The following STARD3NL variants were observed in gnomAD, a reference collection of about 807,000 sequenced individuals.
STARD3NL encodes the protein STARD3 N-terminal like, also known as STARD3 N-terminal-like protein.
Under a neutral mutation model 30.9 loss-of-function variants are expected in STARD3NL, and 17 were observed. That is an observed-to-expected ratio of 0.55 (90% confidence interval 0.38 to 0.82). STARD3NL has a LOEUF of 0.82. Ranked by LOEUF, STARD3NL falls within the 40% of genes least tolerant of loss-of-function variation. STARD3NL has a pLI of 0.00. For missense variants in STARD3NL, 234 were observed against 277.6 expected (o/e 0.84, Z 1.12); for synonymous variants, 112 against 100.5 (o/e 1.11, Z -0.69).
chr7:38,184,140 A>G (rs1234813425), intron 1 of STARD3NL, among the ~76,000 whole-genome samples: 1 of 152,200 alleles, frequency 6.6e-6, no homozygotes. Context: ...TATGGGATAT[A>G]TATTATACAT....
chr7:38,188,702 T>C (rs1022038865), intron 1 of STARD3NL, among the ~76,000 whole-genome samples: 14 of 152,228 alleles, frequency 9.2e-5, no homozygotes, highest in African/African-American at 3.4e-4. Flanking sequence ...TCAATGTATA[T>C]TTTAGGTTTG....
chr7:38,186,755 TA>T (rs1784475762), intron 1 of STARD3NL, among the ~76,000 whole-genome samples: 1 of 152,154 alleles, frequency 6.6e-6, no homozygotes, highest in African/African-American at 2.4e-5. Context: ...CTCTACCATC[TA>T]GGTTGTGTCA....
At chr7:38,189,308 A>G (rs1291196782) in intron 1 of STARD3NL, among the ~76,000 whole-genome samples, 1 of 152,224 alleles carries the variant, frequency 6.6e-6, no homozygotes, top group African/African-American at 2.4e-5. Context: ...AGATGTTACC[A>G]TGGAGTTGGG....
chr7:38,219,539 C>A (rs2116378846), intron 6 of STARD3NL, 26 bp from the exon 7 acceptor site: 1 of 1,543,204 alleles, frequency 6.5e-7, no homozygotes, highest in Non-Finnish European at 8.9e-7. Flanking sequence ...ACCTCATTCC[C>A]AACATCTGAA....
chr7:38,219,629 T>A lies in STARD3NL; in HGVS notation c.618T>A (p.Gly206=), dbSNP rs1170402112. The A allele has an allele frequency of 6.2e-7, 1 of 1,612,868 alleles. No homozygotes were observed. Among genetic ancestry groups the A allele is most frequent in the African/African-American group, 1.3e-5 (1 of 74,880 alleles). ...TTATACCTGGTGGTCTTTCTGATGGTCAGTTTTATTCCCCTCCTGAATCCG... is the reference window on the plus strand; with the variant it reads ...TTATACCTGGTGGTCTTTCTGATGGACAGTTTTATTCCCCTCCTGAATCCG... The part of the protein sequence containing the change: ...AALIPGGLSD[G]QFYSPPESEA... The change falls in exon 7 of 9, where the codon GGT becomes GGA. Residue 206 remains glycine, a synonymous_variant. Transcript: ENST00000009041.
At chr7:38,228,716 A>G in intron 7 of STARD3NL, 83 bp from the exon 8 acceptor site, 1 of 1,187,288 alleles carries the variant, frequency 8.4e-7, no homozygotes. Context: ...TATATGTTAT[A>G]ATTTTAAACC....
intron 4 of STARD3NL, 122 bp from the exon 5 acceptor site, chr7:38,216,903 G>A: frequency 8.5e-7 from 1 of 1,170,058 alleles, no homozygotes; most frequent in East Asian, 2.4e-5. Flanking sequence ...AAGGAGCCAG[G>A]CTAGGCACAG....
At chr7:38,204,081 CAG>C (rs1255359137) in intron 1 of STARD3NL, among the ~76,000 whole-genome samples, 2 of 152,114 alleles carry the variant, frequency 1.3e-5, no homozygotes, top group African/African-American at 4.8e-5. Flanking sequence ...ATCAACGAGA[CAG>C]AAAGTTAACA....
rs569807314 is a variant in STARD3NL, at chr7:38,178,896, A to G, written c.-59+476A>G. 2.4e-4 allele frequency among the ~76,000 whole-genome samples: 37 copies of G among 151,910 alleles called. 1 individual carries two copies. The highest frequency in any genetic ancestry group is 2.0e-3 in the Admixed American group (31 of 15,272). Reference sequence around the variant, plus strand: ...AAAAAAAAGAAAGAAAGCACGAATCATGAATGTTCTCCCTGTGGTTTCAGT... The same window carrying G: ...AAAAAAAAGAAAGAAAGCACGAATCGTGAATGTTCTCCCTGTGGTTTCAGT... On this transcript the variant is annotated intron_variant, in intron 1 of 8. Coordinates refer to ENST00000009041, the MANE Select transcript of STARD3NL (RefSeq NM_032016.4).
At chr7:38,222,758 T>C (rs1176687273) in intron 7 of STARD3NL, among the ~76,000 whole-genome samples, 1 of 152,208 alleles carries the variant, frequency 6.6e-6, no homozygotes, top group Non-Finnish European at 1.5e-5. Context: ...GGTGTTCCAC[T>C]GTGTAGCTGC....
Position 38,215,451 on chromosome 7 carries a change from G to C in STARD3NL, c.381+346G>C, listed in dbSNP as rs1028475007. The C allele has an allele frequency of 1.8e-5, 5 of 275,866 alleles. No individual in the cohort carries two copies. In the Admixed American group the frequency reaches 2.5e-4, roughly 14 times the overall value. The allele number at this position is 275,866 out of a possible 1,614,324, so 17.1% of individuals were successfully genotyped here. ...TATTTGGAAAATGTCTTATTTGGTT[G>C]AAACTGCTTAGTGATTGTTTTCATG... On this transcript the variant is annotated intron_variant, in intron 4 of 8. Coordinates refer to ENST00000009041, the MANE Select transcript of STARD3NL (RefSeq NM_032016.4).
chr7:38,195,979 G>C (rs1455552779), intron 1 of STARD3NL, among the ~76,000 whole-genome samples: 1 of 152,190 alleles, frequency 6.6e-6, no homozygotes, highest in Non-Finnish European at 1.5e-5. Context: ...TGATTAGTCA[G>C]CAGCTTAAAG....
At chr7:38,221,733 T>A (rs759582755) in intron 7 of STARD3NL, among the ~76,000 whole-genome samples, 1 of 152,234 alleles carries the variant, frequency 6.6e-6, no homozygotes, top group Non-Finnish European at 1.5e-5. Context: ...AATCAGTAGA[T>A]CTTAGCCTGG....
intron 1 of STARD3NL, among the ~76,000 whole-genome samples, chr7:38,191,528 G>T (rs569594803): frequency 6.6e-6 from 1 of 151,922 alleles, no homozygotes. Context: ...TAATTTTTAC[G>T]TTTAGGTCTG....
At chr7:38,209,582 C>T (rs1785681791) in intron 2 of STARD3NL, among the ~76,000 whole-genome samples, 1 of 152,150 alleles carries the variant, frequency 6.6e-6, no homozygotes, top group African/African-American at 2.4e-5. Flanking sequence ...TCGCGCCTGG[C>T]CGGAAATGCA....
At position 38,216,688 on chromosome 7, in the gene STARD3NL, T is replaced by C. The variant is rs1250574783; in HGVS notation, c.382-337T>C. 1.1e-5 allele frequency: 3 copies of C among 280,078 alleles called. No individual in the cohort carries two copies. The East Asian group carries it at 1.9e-4, about 18-fold the overall frequency. 17.3% of individuals were successfully genotyped at this position (280,078 alleles called of 1,614,324 possible). On this transcript the variant is annotated intron_variant, in intron 4 of 8. Coordinates refer to ENST00000009041, the MANE Select transcript of STARD3NL (RefSeq NM_032016.4). ...ACTTCACAACCCCTGGCGAGAGCCC[T>C]ACCTATGCACTTTACCAGTCTCTTC...
At chr7:38,214,459 C>G in intron 3 of STARD3NL, 25 bp downstream of exon 3, 1 of 1,479,650 alleles carries the variant, frequency 6.8e-7, no homozygotes, top group South Asian at 1.2e-5. Flanking sequence ...TGTTTCATTT[C>G]AGATGTGATA....
At chr7:38,196,226 A>G (rs1208605770) in intron 1 of STARD3NL, among the ~76,000 whole-genome samples, 2 of 151,330 alleles carry the variant, frequency 1.3e-5, no homozygotes, top group Admixed American at 6.6e-5. Context: ...CACTTGGCCA[A>G]TGGATGGGAG....
At chr7:38,229,627 GC>G (rs1465798370) in intron 8 of STARD3NL, among the ~76,000 whole-genome samples, 1 of 152,204 alleles carries the variant, frequency 6.6e-6, no homozygotes, top group Non-Finnish European at 1.5e-5. Flanking sequence ...GGGAGAGGTA[GC>G]CAAGGTCACG....
Sources: allele counts gnomAD v4.1 joint callset (sites outside exome capture counted in the v4.1 genomes callset), GRCh38; gene constraint gnomAD v4.1.1; transcripts MANE v1.5; gene names NCBI Gene and HGNC (gene_info 2026-07-23, HGNC 2026-07-21).